The following NUDCD3 variants were observed in gnomAD, a reference collection of about 807,000 sequenced individuals.
NUDCD3 encodes the protein NudC domain containing 3, also known as nudC domain-containing protein 3.
Under a neutral mutation model 39.7 loss-of-function variants are expected in NUDCD3, and 13 were observed. The observed-to-expected ratio is 0.33, with a 90% CI of 0.21 to 0.52. NUDCD3 has a LOEUF of 0.52. Ranked by LOEUF, NUDCD3 falls within the 20% of genes least tolerant of loss-of-function variation. The pLI, the probability that NUDCD3 is intolerant of heterozygous loss-of-function variation, is 0.96. For synonymous variants in NUDCD3, 175 were observed against 172.4 expected (o/e 1.02, Z -0.12); for missense variants, 453 against 458.1 (o/e 0.99, Z 0.10).
intron 2 of NUDCD3, among the ~76,000 whole-genome samples, chr7:44,440,596 A>G (rs561395957): frequency 6.6e-6 from 1 of 150,830 alleles, no homozygotes; most frequent in African/African-American, 2.4e-5. Context: ...TCACAAATAT[A>G]TCATGCCAAC....
chr7:44,454,867 G>A lies in NUDCD3; in HGVS notation c.510-27164C>T, dbSNP rs569843160. On this transcript the variant is annotated intron_variant, in intron 2 of 5. Transcript: ENST00000355451. ...GAGGATTGCTTAAGCCCAGGAGGTC[G>A]AGGCTGCAGTGAGCCAAGATCATGC... 4.6e-5 allele frequency among the ~76,000 whole-genome samples: 7 copies of A among 152,042 alleles called. No homozygotes were observed. In the South Asian group the frequency reaches 8.4e-4, roughly 18 times the overall value.
chr7:44,442,035 G>A (rs1799594701), intron 2 of NUDCD3, among the ~76,000 whole-genome samples: 2 of 152,118 alleles, frequency 1.3e-5, no homozygotes. Context: ...CTTACAAAAT[G>A]GGAGCACATG....
intron 2 of NUDCD3, chr7:44,468,346 CT>C: frequency 6.0e-5 from 25 of 415,108 alleles, no homozygotes; most frequent in South Asian, 4.3e-4. Context: ...AATGTAAAAA[CT>C]GCAAAAAAAA....
Position 44,490,626 on chromosome 7 carries a change from C to A in NUDCD3, c.-26G>T. On this transcript the variant is annotated 5_prime_UTR_variant, in exon 1 of 6. Transcript: ENST00000355451. Reference sequence around the variant, plus strand: ...GTCGCCTCCCGCCCTAGGTACGCTTCACACACACAGCGCCGCCTCAGACCT... The same window carrying A: ...GTCGCCTCCCGCCCTAGGTACGCTTAACACACACAGCGCCGCCTCAGACCT... The A allele has an allele frequency of 1.3e-6, 2 of 1,578,426 alleles. No individual in the cohort carries two copies. Among genetic ancestry groups the A allele is most frequent in the Non-Finnish European group, 1.7e-6 (2 of 1,162,734 alleles).
chr7:44,444,710 C>T (rs1369864575), intron 2 of NUDCD3, among the ~76,000 whole-genome samples: 1 of 152,198 alleles, frequency 6.6e-6, no homozygotes, highest in Non-Finnish European at 1.5e-5. Flanking sequence ...CTGTGAGACC[C>T]TGTGCCGTAA....
At chr7:44,472,841 G>A (rs141662978) in intron 2 of NUDCD3, among the ~76,000 whole-genome samples, 36 of 152,286 alleles carry the variant, frequency 2.4e-4, no homozygotes, top group African/African-American at 8.2e-4. Context: ...GGATGGGGTC[G>A]GGTACTCTGA....
intron 3 of NUDCD3, among the ~76,000 whole-genome samples, chr7:44,416,839 T>C (rs1292626890): frequency 2.6e-5 from 4 of 152,204 alleles, no homozygotes; most frequent in Admixed American, 6.5e-5. Flanking sequence ...CAAGCCTTGA[T>C]TGTGACCTGG....
chr7:44,442,335 T>C (rs1799601054), intron 2 of NUDCD3, among the ~76,000 whole-genome samples: 1 of 152,180 alleles, frequency 6.6e-6, no homozygotes, highest in Admixed American at 6.5e-5. Context: ...TTGGTTGTTT[T>C]AAAAGGTCAA....
chr7:44,472,287 C>T (rs1202017761), intron 2 of NUDCD3, among the ~76,000 whole-genome samples: 1 of 152,174 alleles, frequency 6.6e-6, no homozygotes, highest in Non-Finnish European at 1.5e-5. Flanking sequence ...ATAGTCTGCA[C>T]TCCTAGAAAA....
chr7:44,482,823 A>G (rs1800518488), intron 2 of NUDCD3, among the ~76,000 whole-genome samples: 1 of 152,240 alleles, frequency 6.6e-6, no homozygotes, highest in South Asian at 2.1e-4. Context: ...TGGAATTAGC[A>G]GATAAAGACT....
rs568954044 is a variant in NUDCD3 at position 44,476,057 on chromosome 7, G to A, written c.509+8911C>T. ...CAGTCTACGGGGTTGGGTATATGGA[G>A]AGAAGGGGATTCTGATTAAGCCCCC... On this transcript the variant is annotated intron_variant, in intron 2 of 5. Coordinates refer to ENST00000355451, the MANE Select transcript of NUDCD3 (RefSeq NM_015332.4). Among the ~76,000 whole-genome samples the A allele has an allele frequency of 1.4e-3, 220 of 152,278 alleles. 1 individual carries two copies. The highest frequency in any genetic ancestry group is 4.9e-3 in the African/African-American group (202 of 41,552).
intron 2 of NUDCD3, among the ~76,000 whole-genome samples, chr7:44,450,562 C>A (rs1308649029): frequency 6.6e-6 from 1 of 151,868 alleles, no homozygotes; most frequent in Non-Finnish European, 1.5e-5. Context: ...GAGGCTGAGG[C>A]AGGAGGATCA....
intron 3 of NUDCD3, among the ~76,000 whole-genome samples, chr7:44,410,343 T>C (rs1355180176): frequency 6.6e-6 from 1 of 152,194 alleles, no homozygotes; most frequent in Admixed American, 6.5e-5. Flanking sequence ...GACAGGCATC[T>C]ATACAGATCA....
intron 3 of NUDCD3, among the ~76,000 whole-genome samples, chr7:44,415,380 T>C (rs1393360257): frequency 6.6e-6 from 1 of 152,036 alleles, no homozygotes. Context: ...CAGAGCAGAG[T>C]AGATTGAGCA....
At chr7:44,475,112 C>CTT (rs369792184) in intron 2 of NUDCD3, among the ~76,000 whole-genome samples, 10,437 of 139,578 alleles carry the variant, frequency 0.075, 532 homozygotes, top group Non-Finnish European at 0.12. Flanking sequence ...AAATTCATTT[C>CTT]TTTTTTTTTT....
rs368847442 is a variant in NUDCD3, at chr7:44,392,739, G to C, written c.787-254C>G. 2.2e-4 allele frequency among the ~76,000 whole-genome samples: 33 copies of C among 152,226 alleles called. No individual in the cohort carries two copies. In the South Asian group the frequency reaches 6.8e-3, roughly 32 times the overall value. On this transcript the variant is annotated intron_variant, in intron 4 of 5. Transcript: ENST00000355451. ...ACATACCTGAGGGGACTGACATTCT[G>C]GAAGATGCCTTTATCCTTCTTCAGC...
At chr7:44,438,184 C>G (rs548884274) in intron 2 of NUDCD3, among the ~76,000 whole-genome samples, 106 of 151,894 alleles carry the variant, frequency 7.0e-4, no homozygotes, top group South Asian at 1.3e-3. Flanking sequence ...AGTGAGAGAC[C>G]CCCCCATCTC....
chr7:44,433,480 G>A (rs957585266), intron 2 of NUDCD3, among the ~76,000 whole-genome samples: 1 of 152,040 alleles, frequency 6.6e-6, no homozygotes, highest in Non-Finnish European at 1.5e-5. Flanking sequence ...GTGCACATGT[G>A]CATGCAATGT....
chr7:44,402,067 G>A (rs79405777), intron 4 of NUDCD3, among the ~76,000 whole-genome samples: 5 of 152,178 alleles, frequency 3.3e-5, no homozygotes, highest in Non-Finnish European at 5.9e-5. Context: ...TCCCAGCCCC[G>A]ACAGGTCTGA....
Sources: gnomAD v4.1 joint callset for allele counts (sites outside exome capture counted in the v4.1 genomes callset) on GRCh38, gnomAD v4.1.1 for gene constraint, MANE v1.5 for transcripts, NCBI Gene and HGNC (gene_info 2026-07-23, HGNC 2026-07-21) for gene names.